The following CLTCL1 variants were observed in gnomAD, a reference collection of about 807,000 sequenced individuals.
CLTCL1 encodes clathrin heavy chain 2.
A neutral mutation model predicts 190.0 loss-of-function variants in CLTCL1; 159 were observed. The observed-to-expected ratio is 0.84, with a 90% CI of 0.74 to 0.95. CLTCL1 has a LOEUF of 0.95. CLTCL1 is among the 40% of genes least tolerant of loss of function. CLTCL1 has a pLI of 0.00. For synonymous variants in CLTCL1, 752 were observed against 769.6 expected (o/e 0.98, Z 0.38); for missense variants, 1,878 against 2,033.4 (o/e 0.92, Z 1.47).
chr22:19,235,606 C>T, intron 6 of CLTCL1, 90 bp downstream of exon 6: 2 of 1,270,036 alleles, frequency 1.6e-6, no homozygotes. Context: ...AATAGCTACA[C>T]CCAGCTGCTT....
intron 4 of CLTCL1, among the ~76,000 whole-genome samples, chr22:19,242,453 G>A (rs2086285564): frequency 6.6e-6 from 1 of 152,050 alleles, no homozygotes; most frequent in African/African-American, 2.4e-5. Flanking sequence ...GCGCCACCAT[G>A]CCCAGTTAAT....
intron 1 of CLTCL1, 131 bp downstream of exon 1, chr22:19,291,469 T>G: frequency 3.2e-5 from 27 of 836,888 alleles, no homozygotes; most frequent in Admixed American, 4.5e-5. Context: ...CCAGCCCAGG[T>G]GGGAGGTCGG....
chr22:19,276,732 C>CAT (rs2087519526), intron 1 of CLTCL1, among the ~76,000 whole-genome samples: 2 of 152,134 alleles, frequency 1.3e-5, no homozygotes, highest in Non-Finnish European at 2.9e-5. Context: ...TGCAGTGGTG[C>CAT]GATCTCGGCT....
At chr22:19,235,315 A>G (rs1569206661) in intron 6 of CLTCL1, among the ~76,000 whole-genome samples, 1 of 152,226 alleles carries the variant, frequency 6.6e-6, no homozygotes, top group Admixed American at 6.5e-5. Context: ...GATTACAGGC[A>G]TAAACTATTG....
At chr22:19,220,031 G>A (rs1555951540) in intron 17 of CLTCL1, 24 bp from the exon 18 acceptor site, 5 of 1,613,566 alleles carry the variant, frequency 3.1e-6, no homozygotes, top group Admixed American at 1.7e-5. Flanking sequence ...ACTCATGTGT[G>A]TGACACAGCA....
At chr22:19,200,113 C>T (rs947870494) in intron 23 of CLTCL1, among the ~76,000 whole-genome samples, 6 of 152,104 alleles carry the variant, frequency 3.9e-5, no homozygotes, top group South Asian at 2.1e-4. Flanking sequence ...GTTCAGGTGG[C>T]GGGAAAGTCA....
intron 2 of CLTCL1, chr22:19,258,631 T>C: frequency 1.6e-6 from 1 of 633,042 alleles, no homozygotes; most frequent in Non-Finnish European, 2.9e-6. Context: ...CAGGTCAATC[T>C]GGAGGCTGAG....
intron 20 of CLTCL1, chr22:19,209,410 C>A: frequency 3.5e-6 from 1 of 289,226 alleles, no homozygotes; most frequent in South Asian, 8.4e-5. Context: ...TTGCTCCTGA[C>A]CTTGGGAGGA....
chr22:19,211,000 T>C (rs1412076366), intron 19 of CLTCL1, among the ~76,000 whole-genome samples: 1 of 152,166 alleles, frequency 6.6e-6, no homozygotes, highest in Non-Finnish European at 1.5e-5. Context: ...CACAAAGTGC[T>C]GGGATTACAG....
At chr22:19,195,157 C>CTGTATTGATCTGTGT (rs2084655456) in intron 26 of CLTCL1, among the ~76,000 whole-genome samples, 1 of 152,158 alleles carries the variant, frequency 6.6e-6, no homozygotes, top group Admixed American at 6.6e-5. Flanking sequence ...CAGGATTGAT[C>CTGTATTGATCTGTGT]AAGTATGGAT....
rs372241985 is a variant in CLTCL1 at position 19,210,503 on chromosome 22, T to C, written c.3072A>G (p.Leu1024=). The C allele has an allele frequency of 6.2e-6, 10 of 1,613,270 alleles. No individual in the cohort carries two copies. Among genetic ancestry groups the C allele is most frequent in the African/African-American group, 5.3e-5 (4 of 75,032 alleles). The change falls in exon 20 of 33, where the codon CTA becomes CTG. Residue 1024 remains leucine (L), a synonymous_variant. Transcript: ENST00000427926. ...TGGCAGTCAGGATCAACAGATTCTG[T>C]AGATTCCTGAGGAGAGAGGGTGGTC... The part of the protein sequence containing the change: ...DNSVFSEHRN[L]QNLLILTAIK...
intron 31 of CLTCL1, 73 bp downstream of exon 31, chr22:19,180,658 G>T: frequency 6.7e-7 from 1 of 1,482,346 alleles, no homozygotes; most frequent in Non-Finnish European, 9.4e-7. Flanking sequence ...AGCCCAGCCA[G>T]GTAAGGGCAG....
chr22:19,223,470 T>A (rs569863409), intron 14 of CLTCL1, among the ~76,000 whole-genome samples: 4 of 152,104 alleles, frequency 2.6e-5, no homozygotes, highest in Non-Finnish European at 1.5e-5. Context: ...AAAGCAGCCA[T>A]GAAGCTGGTC....
intron 1 of CLTCL1, among the ~76,000 whole-genome samples, chr22:19,276,844 ATTTT>A (rs782062458): frequency 1.1e-3 from 169 of 150,014 alleles, no homozygotes; most frequent in Admixed American, 2.5e-3. Flanking sequence ...TATTTTTTGT[ATTTT>A]TTTTTAGTAG....
chr22:19,251,139 A>G (rs1293693390), intron 3 of CLTCL1, among the ~76,000 whole-genome samples: 3 of 146,270 alleles, frequency 2.1e-5, no homozygotes, highest in African/African-American at 7.8e-5. Context: ...ATCTTCTTTA[A>G]TTACTTCCAA....
At chr22:19,232,769 T>C in intron 9 of CLTCL1, 171 bp from the exon 10 acceptor site, 1 of 875,606 alleles carries the variant, frequency 1.1e-6, no homozygotes, top group Non-Finnish European at 1.7e-6. Flanking sequence ...AATGAATTGA[T>C]TTAATGTACA....
In CLTCL1 at chr22:19,232,541, C is replaced by G. The variant is rs781795428; in HGVS notation, c.1579G>C (p.Glu527Gln). The change falls in exon 10 of 33, where the codon GAA becomes CAA. Residue 527 changes from glutamate to glutamine, a missense_variant. Transcript: ENST00000427926. ...LLRGVMKISP[E>Q]QGLQFSRMLV... Reference sequence around the variant, plus strand: ...ATTCGAGAAAACTGCAGGCCCTGTTCCGGACTGATCTTCATTACACCCCTC... The same window carrying G: ...ATTCGAGAAAACTGCAGGCCCTGTTGCGGACTGATCTTCATTACACCCCTC... 6.2e-7 allele frequency: 1 copy of G among 1,613,952 alleles called. No homozygotes were observed. Among genetic ancestry groups the G allele is most frequent in the Non-Finnish European group, 8.5e-7 (1 of 1,179,878 alleles).
At chr22:19,211,299 A>T (rs1362811525) in intron 19 of CLTCL1, among the ~76,000 whole-genome samples, 2 of 152,228 alleles carry the variant, frequency 1.3e-5, no homozygotes, top group Non-Finnish European at 2.9e-5. Flanking sequence ...CACTGTTAAC[A>T]TCATAAGTAA....
At chr22:19,230,089 C>T (rs1555958166) in intron 10 of CLTCL1, 114 bp from the exon 11 acceptor site, 9 of 711,724 alleles carry the variant, frequency 1.3e-5, no homozygotes, top group African/African-American at 3.1e-5. Flanking sequence ...CAATTAGTTC[C>T]CTCCCTTGGT....
Sources: allele counts gnomAD v4.1 joint callset (sites outside exome capture counted in the v4.1 genomes callset), GRCh38; gene constraint gnomAD v4.1.1; transcripts MANE v1.5; gene names NCBI Gene and HGNC (gene_info 2026-07-23, HGNC 2026-07-21).